The following PSMA1 variants were observed in gnomAD, a reference collection of about 807,000 sequenced individuals.
The protein encoded by PSMA1 is proteasome 20S subunit alpha 1, also known as proteasome subunit alpha type-1.
PSMA1 carries 3 observed loss-of-function variants against 38.4 expected under a neutral mutation model. The ratio of observed to expected loss-of-function variants is 0.08; its 90% CI spans 0.04 to 0.20. The LOEUF (loss-of-function observed/expected upper bound fraction) is 0.20, where lower values mean the gene tolerates loss of function less well. PSMA1 is among the 10% of genes least tolerant of loss of function. PSMA1 has a pLI of 1.00. For missense variants in PSMA1, 227 were observed against 325.3 expected (o/e 0.70, Z 2.32); for synonymous variants, 101 against 107.1 (o/e 0.94, Z 0.35).
intron 1 of PSMA1, among the ~76,000 whole-genome samples, chr11:14,642,689 G>C (rs11822526): frequency 6.6e-6 from 1 of 152,160 alleles, no homozygotes; most frequent in Admixed American, 6.5e-5. Context: ...CGAGAGCTTA[G>C]GGAGGGAAAC....
Position 14,534,207 on chromosome 11 carries a change from T to TAAATA in PSMA1, c.22-15171_22-15167dup, listed in dbSNP as rs1280629116. Among the ~76,000 whole-genome samples the TAAATA allele has an allele frequency of 6.6e-6, 1 of 152,056 alleles. No homozygotes were observed. The highest frequency in any genetic ancestry group is 1.5e-5 in the Non-Finnish European group (1 of 67,978). On this transcript the variant is annotated intron_variant, in intron 2 of 10. Coordinates refer to the PSMA1 transcript ENST00000418988. This position sits in a 1 kb window ranked among gnomAD's most constrained non-coding sequence, Gnocchi z 4.5. ...AAAAATACATACATACATACATACA[T>TAAATA]AAATAAAATAAAATAAAAATTAATA... is the stretch of plus-strand genomic sequence containing the variant.
intron 1 of PSMA1, among the ~76,000 whole-genome samples, chr11:14,632,891 C>G (rs1416172895): frequency 6.6e-6 from 1 of 151,918 alleles, no homozygotes; most frequent in Non-Finnish European, 1.5e-5. Context: ...TTCATTTCAT[C>G]TTCCATCGCT....
intron 2 of PSMA1, among the ~76,000 whole-genome samples, chr11:14,583,321 C>A (rs1434791285): frequency 6.6e-6 from 1 of 152,152 alleles, no homozygotes. Flanking sequence ...GAATAAATTC[C>A]ATTGACGTCA....
chr11:14,509,978 C>T (rs1381722625), intron 8 of PSMA1, among the ~76,000 whole-genome samples: 1 of 152,170 alleles, frequency 6.6e-6, no homozygotes, highest in African/African-American at 2.4e-5. Context: ...CTGCCTTGGT[C>T]TCCCAAAGTG....
chr11:14,508,948 A>G (rs1300088468), intron 8 of PSMA1, among the ~76,000 whole-genome samples: 1 of 152,102 alleles, frequency 6.6e-6, no homozygotes, highest in Non-Finnish European at 1.5e-5. Flanking sequence ...CCCAGTTGCT[A>G]AAGGTTAGTG....
At chr11:14,555,430 A>G (rs1336796303) in intron 2 of PSMA1, among the ~76,000 whole-genome samples, 2 of 152,296 alleles carry the variant, frequency 1.3e-5, no homozygotes, top group South Asian at 4.1e-4. Flanking sequence ...ATAGAAACAT[A>G]CAAGAATTCT....
chr11:14,581,085 C>T (rs1056015961), intron 2 of PSMA1, among the ~76,000 whole-genome samples: 5 of 152,050 alleles, frequency 3.3e-5, no homozygotes, highest in Admixed American at 6.6e-5. Context: ...TTAGAAAGTT[C>T]CCAAATAAGA....
intron 2 of PSMA1, among the ~76,000 whole-genome samples, chr11:14,564,750 A>C (rs555831743): frequency 3.3e-5 from 5 of 151,442 alleles, no homozygotes; most frequent in Non-Finnish European, 5.9e-5. Context: ...AATTTCTTTA[A>C]TAGTTATAGT....
At chr11:14,535,444 CTT>C (rs766986230) in intron 2 of PSMA1, among the ~76,000 whole-genome samples, 19 of 135,810 alleles carry the variant, frequency 1.4e-4, no homozygotes, top group South Asian at 4.7e-4. Context: ...TTCTTTCTTT[CTT>C]TTTTTTTTTT....
At chr11:14,577,984 A>G (rs528325443) in intron 2 of PSMA1, among the ~76,000 whole-genome samples, 1 of 152,288 alleles carries the variant, frequency 6.6e-6, no homozygotes, top group East Asian at 1.9e-4. Flanking sequence ...AGATCATTTA[A>G]ACAGCCACAT....
At chr11:14,533,585 C>CTTTTT (rs34379633) in intron 2 of PSMA1, among the ~76,000 whole-genome samples, 1 of 147,412 alleles carries the variant, frequency 6.8e-6, no homozygotes, top group Non-Finnish European at 1.5e-5. Flanking sequence ...CTTTTCTTTT[C>CTTTTT]TTTTTTTTTT....
At chr11:14,566,958 C>A (rs1852079546) in intron 2 of PSMA1, among the ~76,000 whole-genome samples, 1 of 151,420 alleles carries the variant, frequency 6.6e-6, no homozygotes, top group African/African-American at 2.4e-5. Flanking sequence ...GCTAGACAGG[C>A]AAAAACGACA....
chr11:14,548,958 A>G (rs1851856741), intron 2 of PSMA1, among the ~76,000 whole-genome samples: 1 of 152,170 alleles, frequency 6.6e-6, no homozygotes, highest in African/African-American at 2.4e-5. Context: ...TGCTCTGTAG[A>G]CAACACCTTA....
intron 2 of PSMA1, among the ~76,000 whole-genome samples, chr11:14,593,477 T>C (rs888726476): frequency 2.6e-5 from 4 of 152,310 alleles, no homozygotes; most frequent in Admixed American, 6.5e-5. Flanking sequence ...AGGTCTAACA[T>C]AACTTCATTG....
chr11:14,561,362 TTGCCTGCTAATG>T (rs913962656), intron 2 of PSMA1, among the ~76,000 whole-genome samples: 2 of 152,320 alleles, frequency 1.3e-5, no homozygotes, highest in African/African-American at 4.8e-5. Flanking sequence ...CTCCACATAG[TTGCCTGCTAATG>T]TGCCTGAAAT....
chr11:14,579,160 C>T (rs1369740277), intron 2 of PSMA1, among the ~76,000 whole-genome samples: 2 of 152,222 alleles, frequency 1.3e-5, no homozygotes, highest in Non-Finnish European at 2.9e-5. Flanking sequence ...CAAATTGCTA[C>T]AAACCTCGTG....
chr11:14,517,502 C>G, intron 4 of PSMA1, 140 bp downstream of exon 4: 1 of 708,048 alleles, frequency 1.4e-6, no homozygotes, highest in Non-Finnish European at 2.3e-6. Flanking sequence ...ATAACAAACT[C>G]AAAACCACCA....
chr11:14,568,657 A>T (rs1852101737), intron 2 of PSMA1, among the ~76,000 whole-genome samples: 1 of 152,220 alleles, frequency 6.6e-6, no homozygotes, highest in Non-Finnish European at 1.5e-5. Flanking sequence ...GGAGGATCTG[A>T]GTTGCCAGGC....
intron 1 of PSMA1, 170 bp downstream of exon 1, chr11:14,520,127 T>C (rs1851503746): frequency 1.8e-6 from 2 of 1,088,834 alleles, no homozygotes; most frequent in Admixed American, 4.1e-5. Context: ...CGATAACCCC[T>C]AGCCCGGCCA....
Sources: gnomAD v4.1 joint callset for allele counts (sites outside exome capture counted in the v4.1 genomes callset) on GRCh38, gnomAD v4.1.1 for gene constraint, Gnocchi (gnomAD v3.1) non-coding constraint, MANE v1.5 for transcripts, NCBI Gene and HGNC (gene_info 2026-07-23, HGNC 2026-07-21) for gene names.